Variants in KRT31 observed in about 807,000 individuals in gnomAD.
KRT31 encodes keratin, type I cuticular Ha1.
KRT31 carries 27 observed loss-of-function variants against 40.8 expected under a neutral mutation model. The ratio of observed to expected loss-of-function variants is 0.66; its 90% CI spans 0.49 to 0.91. The LOEUF (loss-of-function observed/expected upper bound fraction) is 0.91, where lower values mean the gene tolerates loss of function less well. KRT31 is among the 40% of genes least tolerant of loss of function. The probability of loss-of-function intolerance (pLI) is 0.00; values close to 1 mark genes in which losing one functional copy is unlikely to be tolerated. For missense variants in KRT31, 510 were observed against 544.1 expected (o/e 0.94, Z 0.62); for synonymous variants, 231 against 231.9 (o/e 1.00, Z 0.03).
At position 41,395,350 on chromosome 17, in the gene KRT31, C is replaced by T. The variant is rs1296986109; in HGVS notation, c.771G>A (p.Gln257=). ...FTTQTEELNK[Q]VVSSSEQLQS... ...GCAGCTGCTCTGAGCTGGATACCAC[C>T]TGCTTGTTCAGCTCCTCGGTCTGAA... The change falls in exon 5 of 7, where the codon CAG becomes CAA. Residue 257 remains glutamine, a synonymous_variant. Transcript: ENST00000251645. The T allele has an allele frequency of 1.9e-6, 3 of 1,614,094 alleles. No homozygotes were observed. The highest frequency in any genetic ancestry group is 1.7e-6 in the Non-Finnish European group (2 of 1,180,038).
At chr17:41,394,243 G>A (rs2018181867) in intron 6 of KRT31, 74 bp from the exon 7 acceptor site, 2 of 1,529,392 alleles carry the variant, frequency 1.3e-6, no homozygotes, top group Non-Finnish European at 1.8e-6. Flanking sequence ...ATATCCCCAA[G>A]GGTAAGAATG....
At chr17:41,396,869 TA>T (rs1567682624) in intron 2 of KRT31, 43 bp downstream of exon 2, 2 of 1,457,230 alleles carry the variant, frequency 1.4e-6, no homozygotes, top group Non-Finnish European at 1.9e-6. Flanking sequence ...CTTTAAAGAT[TA>T]AACAGAAGCA....
At chr17:41,396,391 G>T in intron 3 of KRT31, 29 bp downstream of exon 3, 1 of 1,607,502 alleles carries the variant, frequency 6.2e-7, no homozygotes, top group South Asian at 1.1e-5. Context: ...GCTGAGACAG[G>T]TTTGTGCATT....
rs774361089 is a variant in KRT31 at position 41,397,465 on chromosome 17, G to C, written c.75C>G (p.Ser25Arg). The change falls in exon 1 of 7, where the codon AGC becomes AGG. Residue 25 changes from serine to arginine, a missense_variant. Physicochemically the swap from Ser to Arg is moderately radical, Grantham distance 110. Coordinates refer to ENST00000251645, the MANE Select transcript of KRT31 (RefSeq NM_002277.3). The stretch of plus-strand genomic sequence containing the variant: ...CCCCGGGCAGGGTGCAGCTGTGGCA[G>C]CTGGGGGGCACGCAGGGCCGGGAGG... ...SCSSRPCVPP[S>R]CHSCTLPGAC... 3.7e-6 allele frequency: 6 copies of C among 1,613,202 alleles called. No individual in the cohort carries two copies. Among genetic ancestry groups the C allele is most frequent in the Non-Finnish European group, 5.1e-6 (6 of 1,179,978 alleles).
rs553919047 is a variant in KRT31, at chr17:41,394,059, G to A, written c.1208C>T (p.Ala403Val). ...CVPPAPCTPCAPRPRCGPCNS... is the reference protein window; with the variant it reads ...CVPPAPCTPCVPRPRCGPCNS... The stretch of plus-strand genomic sequence containing the variant: ...GCAGGGCCCACAGCGGGGGCGTGGG[G>A]CACAGGGTGTGCAGGGGGCAGGAGG... The change falls in exon 7 of 7, where the codon GCC becomes GTC. Residue 403 changes from alanine (A) to valine (V), a missense_variant. Physicochemically the swap from Ala to Val is moderately conservative, Grantham distance 64 (BLOSUM62 0). Coordinates refer to ENST00000251645, the MANE Select transcript of KRT31 (RefSeq NM_002277.3). 129 of 1,613,474 alleles carry A rather than the reference G, an allele frequency of 8.0e-5. No homozygotes were observed. The highest frequency in any genetic ancestry group is 1.0e-4 in the Non-Finnish European group (122 of 1,179,808).
intron 3 of KRT31, among the ~76,000 whole-genome samples, chr17:41,396,036 T>C (rs2018219988): frequency 6.6e-6 from 1 of 152,058 alleles, no homozygotes; most frequent in East Asian, 1.9e-4. Flanking sequence ...ACAAACACTC[T>C]TCACCAATAC....
chr17:41,393,875 G>C lies in KRT31; in HGVS notation c.*141C>G, dbSNP rs1376728573. On this transcript the variant is annotated 3_prime_UTR_variant, in exon 7 of 7. Transcript: ENST00000251645. Reference sequence around the variant, plus strand: ...AGTAGTTGGGGAGGCTACAGGCTTTGGGTGAGTTTCTTGGCTGCCTTACGC... The same window carrying C: ...AGTAGTTGGGGAGGCTACAGGCTTTCGGTGAGTTTCTTGGCTGCCTTACGC... 2 of 850,738 alleles carry C rather than the reference G, an allele frequency of 2.4e-6. No individual in the cohort carries two copies. Among genetic ancestry groups the C allele is most frequent in the African/African-American group, 1.7e-5 (1 of 57,428 alleles). 52.7% of individuals were successfully genotyped at this position (850,738 alleles called of 1,614,324 possible).
chr17:41,397,450 G>A lies in KRT31; in HGVS notation c.90C>T (p.Thr30=), dbSNP rs2018251783. 6.2e-7 allele frequency: 1 copy of A among 1,613,180 alleles called. No homozygotes were observed. Among genetic ancestry groups the A allele is most frequent in the Non-Finnish European group, 8.5e-7 (1 of 1,179,982 alleles). ...PCVPPSCHSC[T]LPGACNIPAN... The stretch of plus-strand genomic sequence containing the variant: ...CGGGGATGTTGCAGGCCCCGGGCAG[G>A]GTGCAGCTGTGGCAGCTGGGGGGCA... The change falls in exon 1 of 7, where the codon ACC becomes ACT. Residue 30 remains threonine, a synonymous_variant. Coordinates refer to ENST00000251645, the MANE Select transcript of KRT31 (RefSeq NM_002277.3).
At position 41,395,428 on chromosome 17, in the gene KRT31, T is replaced by C. The variant is rs191126765; in HGVS notation, c.750+34A>G. ...CTGCCTCCGGGGCCCTGGGGGGCCT[T>C]GGGTCCTGAGGGGCCACGTGCTTAG... On this transcript the variant is annotated intron_variant, in intron 4 of 6. Transcript: ENST00000251645. 3.2e-4 allele frequency: 516 copies of C among 1,613,974 alleles called. No individual in the cohort carries two copies. In the African/African-American group the frequency reaches 5.5e-3, roughly 17 times the overall value.
rs754219258 is a variant in KRT31, at chr17:41,397,481, G to T, written c.59C>A (p.Pro20His). ...LSCRTSCSSR[P>H]CVPPSCHSCT... is the part of the protein sequence containing the mutation. ...GCTGTGGCAGCTGGGGGGCACGCAG[G>T]GCCGGGAGGAGCAGCTGGTGCGGCA... is the stretch of plus-strand genomic sequence containing the variant. Residue 20 changes from proline (P) to histidine (H), a missense_variant, in exon 1 of 7, where the codon CCC (proline) becomes CAC (histidine). Transcript: ENST00000251645. 1.5e-5 allele frequency: 25 copies of T among 1,613,226 alleles called. No homozygotes were observed. The highest frequency in any genetic ancestry group is 2.0e-5 in the Non-Finnish European group (24 of 1,179,908).
chr17:41,395,526 C>G lies in KRT31; in HGVS notation c.686G>C (p.Arg229Thr). The G allele has an allele frequency of 6.2e-7, 1 of 1,614,212 alleles. No homozygotes were observed. The highest frequency in any genetic ancestry group is 8.5e-7 in the Non-Finnish European group (1 of 1,180,034). ...TTCCACCAGGGCCTCATACTGACTC[C>G]TGGTCTCGTTCAGCACCCGATTCAG... ...VDLNRVLNET[R>T]SQYEALVETN... is the part of the protein sequence containing the mutation. The change falls in exon 4 of 7, where the codon AGG (arginine) becomes ACG (threonine). Residue 229 changes from arginine to threonine, a missense_variant. Physicochemically the swap from Arg to Thr is moderately conservative, Grantham distance 71. Transcript: ENST00000251645.
rs2018176743 is a variant in KRT31 at position 41,394,029 on chromosome 17, G to A, written c.1238C>T (p.Ser413Phe). ...ATTCCCTAGGTTCTAGCGCACGAAGGAATTGCAGGGCCCACAGCGGGGGCG... is the reference window on the plus strand; with the variant it reads ...ATTCCCTAGGTTCTAGCGCACGAAGAAATTGCAGGGCCCACAGCGGGGGCG... ...APRPRCGPCN[S>F]FVR The change falls in exon 7 of 7, where the codon TCC becomes TTC. Residue 413 changes from serine (S) to phenylalanine (F), a missense_variant. Ser to Phe is a radical substitution (Grantham distance 155, BLOSUM62 -2). Coordinates refer to ENST00000251645, the MANE Select transcript of KRT31 (RefSeq NM_002277.3). The A allele has an allele frequency of 6.2e-7, 1 of 1,613,236 alleles. No homozygotes were observed. Among genetic ancestry groups the A allele is most frequent in the African/African-American group, 1.3e-5 (1 of 74,876 alleles).
chr17:41,395,889 T>G (rs2018217940), intron 3 of KRT31, among the ~76,000 whole-genome samples: 1 of 152,078 alleles, frequency 6.6e-6, no homozygotes, highest in Non-Finnish European at 1.5e-5. Flanking sequence ...CTTTCCCAGT[T>G]TACAATTGGC....
At chr17:41,396,390 G>T in intron 3 of KRT31, 30 bp downstream of exon 3, 1 of 1,607,004 alleles carries the variant, frequency 6.2e-7, no homozygotes. Context: ...GGCTGAGACA[G>T]GTTTGTGCAT....
rs375534950 is a variant in KRT31 at position 41,396,485 on chromosome 17, C to G, written c.523G>C (p.Asp175His). 3 of 1,614,066 alleles carry G rather than the reference C, an allele frequency of 1.9e-6. No homozygotes were observed. The African/African-American group carries it at 4.0e-5, about 22-fold the overall frequency. ...ILDELTLCKS[D>H]LEAQVESLKE... ...AGGGACTCCACCTGGGCCTCCAGGTCGGACTTGCACAGGGTCAGCTCATCC... is the reference window on the plus strand; with the variant it reads ...AGGGACTCCACCTGGGCCTCCAGGTGGGACTTGCACAGGGTCAGCTCATCC... The change falls in exon 3 of 7, where the codon GAC becomes CAC. Residue 175 changes from aspartate (D) to histidine (H), a missense_variant. Transcript: ENST00000251645.
Position 41,395,036 on chromosome 17 carries a change from ACTCT to A in KRT31, c.905_908del (p.Glu302ValfsTer15). On this transcript the variant is annotated frameshift_variant, in exon 6 of 7. Transcript: ENST00000251645. LOFTEE classifies it high-confidence loss of function. ...ACAGCTGGGAGCTGTAGCGGGCCTCACTCTCTGTCAGCGTGTTTTCCAGAGAGTC... is the reference window on the plus strand; with the variant it reads ...ACAGCTGGGAGCTGTAGCGGGCCTCACTGTCAGCGTGTTTTCCAGAGAGTC... 6.2e-7 allele frequency: 1 copy of A among 1,614,214 alleles called. No homozygotes were observed. Among genetic ancestry groups the A allele is most frequent in the Non-Finnish European group, 8.5e-7 (1 of 1,180,030 alleles).
chr17:41,395,422 G>A (rs754053759), intron 4 of KRT31, 40 bp downstream of exon 4: 1 of 1,614,008 alleles, frequency 6.2e-7, no homozygotes, highest in South Asian at 1.1e-5. Flanking sequence ...GGGCCCTGGG[G>A]GGCCTTGGGT....
rs1453422600 is a variant in KRT31 at position 41,396,527 on chromosome 17, C to A, written c.481G>T (p.Gly161Cys). ...LRQLVESDIN[G>C]LRRILDELTL... The stretch of plus-strand genomic sequence containing the variant: ...AGCTCATCCAGGATCCTGCGCAGAC[C>A]GTTGATGTCCGACTCCACCAGCTGC... The change falls in exon 3 of 7, where the codon GGT becomes TGT. Residue 161 changes from glycine to cysteine, a missense_variant. Gly to Cys is a radical substitution (Grantham distance 159). Transcript: ENST00000251645. 2 of 1,614,140 alleles carry A rather than the reference C, an allele frequency of 1.2e-6. No homozygotes were observed. Among genetic ancestry groups the A allele is most frequent in the Non-Finnish European group, 8.5e-7 (1 of 1,180,012 alleles).
At position 41,394,987 on chromosome 17, in the gene KRT31, T is replaced by G; in HGVS notation, c.958A>C (p.Asn320His). 6.2e-7 allele frequency: 1 copy of G among 1,614,242 alleles called. No individual in the cohort carries two copies. The highest frequency in any genetic ancestry group is 8.5e-7 in the Non-Finnish European group (1 of 1,180,048). Residue 320 changes from asparagine to histidine, a missense_variant, in exon 6 of 7, where the codon AAC (asparagine) becomes CAC (histidine). Coordinates refer to ENST00000251645, the MANE Select transcript of KRT31 (RefSeq NM_002277.3). ...ATCTCCGCCAGCTGGGACTCCACGTTGGTGATCAGGCTCTGCACCTGGGAC... is the reference window on the plus strand; with the variant it reads ...ATCTCCGCCAGCTGGGACTCCACGTGGGTGATCAGGCTCTGCACCTGGGAC... ...QLSQVQSLIT[N>H]VESQLAEIRS...
Sources: gnomAD v4.1 joint callset for allele counts (sites outside exome capture counted in the v4.1 genomes callset) on GRCh38, gnomAD v4.1.1 for gene constraint, MANE v1.5 for transcripts, NCBI Gene and HGNC (gene_info 2026-07-23, HGNC 2026-07-21) for gene names.